Variants in SUZ12 observed in about 807,000 individuals in gnomAD.
SUZ12 encodes the protein SUZ12 polycomb repressive complex 2 subunit.
In SUZ12, 17 loss-of-function variants were observed where a neutral mutation model predicts 87.3. That is an observed-to-expected ratio of 0.19 (90% confidence interval 0.13 to 0.29). The LOEUF (loss-of-function observed/expected upper bound fraction) is 0.29. Ranked by LOEUF, SUZ12 falls within the 10% of genes least tolerant of loss-of-function variation. The pLI, the probability that SUZ12 is intolerant of heterozygous loss-of-function variation, is 1.00. For missense variants in SUZ12, 526 were observed against 912.2 expected, an observed-to-expected ratio of 0.58 and a Z score of 5.45; for synonymous variants, 253 against 312.4, an observed-to-expected ratio of 0.81 and a Z score of 2.01.
intron 5 of SUZ12, among the ~76,000 whole-genome samples, chr17:31,970,309 C>T (rs934704195): frequency 1.3e-5 from 2 of 152,140 alleles, no homozygotes; most frequent in African/African-American, 4.8e-5. Flanking sequence ...CACACACCCC[C>T]AATAAGAATG....
intron 4 of SUZ12, among the ~76,000 whole-genome samples, chr17:31,955,398 C>T (rs1907249846): frequency 6.6e-6 from 1 of 152,156 alleles, no homozygotes; most frequent in South Asian, 2.1e-4. Flanking sequence ...CCTCCTGCCT[C>T]AGCCTACCGA....
At chr17:31,961,972 T>G (rs1168846054) in intron 4 of SUZ12, among the ~76,000 whole-genome samples, 1 of 152,232 alleles carries the variant, frequency 6.6e-6, no homozygotes, top group African/African-American at 2.4e-5. Flanking sequence ...TGTAAGACAC[T>G]GCTAGGTGCT....
chr17:31,947,951 C>T (rs1376746546), intron 4 of SUZ12, among the ~76,000 whole-genome samples: 2 of 152,130 alleles, frequency 1.3e-5, no homozygotes, highest in South Asian at 2.1e-4. Flanking sequence ...TTGAGTGAAA[C>T]CTCTGACTTC....
intron 6 of SUZ12, 101 bp from the exon 7 acceptor site, chr17:31,975,381 G>A (rs1270893980): frequency 2.6e-6 from 2 of 757,528 alleles, no homozygotes; most frequent in Non-Finnish European, 4.0e-6. Context: ...GGTGATCATG[G>A]CCTATCTCCC....
intron 4 of SUZ12, among the ~76,000 whole-genome samples, chr17:31,963,058 C>T (rs112756355): frequency 0.17 from 25,753 of 148,686 alleles, no homozygotes; most frequent in African/African-American, 0.32. Flanking sequence ...TAAAATAGCA[C>T]GTAGAAATCT....
intron 10 of SUZ12, among the ~76,000 whole-genome samples, chr17:31,989,800 G>A (rs1333321472): frequency 2.1e-5 from 3 of 144,932 alleles, no homozygotes; most frequent in East Asian, 4.0e-4. Context: ...TAGTAGAGAC[G>A]GGGTTTCACC....
At chr17:31,989,814 T>C (rs577033087) in intron 10 of SUZ12, among the ~76,000 whole-genome samples, 2 of 150,308 alleles carry the variant, frequency 1.3e-5, no homozygotes, top group East Asian at 3.9e-4. Context: ...TTTCACCTTG[T>C]TAGCCAGGAT....
intron 4 of SUZ12, among the ~76,000 whole-genome samples, chr17:31,957,572 T>G (rs1448221456): frequency 6.7e-6 from 1 of 150,276 alleles, no homozygotes; most frequent in Non-Finnish European, 1.5e-5. Context: ...CCACCACGCC[T>G]AGCTAATTTT....
chr17:32,000,632 TAAAA>T lies in SUZ12; in HGVS notation c.*1643_*1646del, dbSNP rs769296762. On this transcript the variant is annotated 3_prime_UTR_variant, in exon 16 of 16. Coordinates refer to ENST00000322652, the MANE Select transcript of SUZ12 (RefSeq NM_015355.4). ...AATTTGCTAAAGCTGTGCACATATG[TAAAA>T]AAAAAAAAAAAAAGATTATTTTAGG... The T allele has an allele frequency of 2.7e-4, 55 of 202,434 alleles. No homozygotes were observed. Among genetic ancestry groups the T allele is most frequent in the East Asian group, 7.4e-4 (11 of 14,832 alleles). The allele number at this position is 202,434 out of a possible 1,614,324, so 12.5% of individuals were successfully genotyped here. A position where few individuals can be genotyped will look rare whatever the true frequency, so the allele number is the denominator to read the frequency against.
In SUZ12 at chr17:31,951,582, A is replaced by T. The variant is rs137884913; in HGVS notation, c.455+3897A>T. Reference sequence around the variant, plus strand: ...ACTGCAAGTTCCGCCTCCCGGGTTCACGCCATTCTGCCTCAGCCTTCTGAG... The same window carrying T: ...ACTGCAAGTTCCGCCTCCCGGGTTCTCGCCATTCTGCCTCAGCCTTCTGAG... On this transcript the variant is annotated intron_variant, in intron 4 of 15. Coordinates refer to ENST00000322652, the MANE Select transcript of SUZ12 (RefSeq NM_015355.4). 2.4e-3 allele frequency among the ~76,000 whole-genome samples: 364 copies of T among 149,996 alleles called. 3 individuals carry two copies. Among genetic ancestry groups the T allele is most frequent in the African/African-American group, 8.4e-3 (343 of 40,672 alleles).
chr17:31,950,292 C>G (rs1023573761), intron 4 of SUZ12, among the ~76,000 whole-genome samples: 16 of 152,134 alleles, frequency 1.1e-4, no homozygotes, highest in Admixed American at 2.0e-4. Context: ...TATTTTTCTC[C>G]TAAACCTATC....
intron 4 of SUZ12, among the ~76,000 whole-genome samples, chr17:31,948,105 C>G (rs1225941579): frequency 2.0e-5 from 3 of 151,814 alleles, no homozygotes; most frequent in Non-Finnish European, 4.4e-5. Context: ...TCTTTTTTTT[C>G]CATCTTTTTC....
intron 6 of SUZ12, among the ~76,000 whole-genome samples, chr17:31,974,442 G>C (rs1475157069): frequency 6.6e-6 from 1 of 152,128 alleles, no homozygotes; most frequent in Non-Finnish European, 1.5e-5. Flanking sequence ...CAGGAGAATG[G>C]TATGAACCCG....
In SUZ12 at chr17:31,952,086, G is replaced by A. The variant is rs555215678; in HGVS notation, c.455+4401G>A. Among the ~76,000 whole-genome samples, 50 of 152,034 alleles carry A rather than the reference G, an allele frequency of 3.3e-4. No individual in the cohort carries two copies. The East Asian group carries it at 9.5e-3, about 29-fold the overall frequency. On this transcript the variant is annotated intron_variant, in intron 4 of 15. Transcript: ENST00000322652. ...ACTGCGCCCAGCCTTCTTTTTCTAA[G>A]AGACAGGGTCTTGCTCTGTTGCCCA...
At chr17:31,983,271 ATT>A (rs1909215344) in intron 9 of SUZ12, among the ~76,000 whole-genome samples, 167 bp downstream of exon 9, 1 of 129,104 alleles carries the variant, frequency 7.7e-6, no homozygotes, top group South Asian at 2.4e-4. Flanking sequence ...GGAAGGTATC[ATT>A]CTTTTTTTTT....
At chr17:31,973,414 C>T (rs1459458260) in intron 6 of SUZ12, among the ~76,000 whole-genome samples, 183 bp downstream of exon 6, 1 of 152,098 alleles carries the variant, frequency 6.6e-6, no homozygotes, top group Non-Finnish European at 1.5e-5. Flanking sequence ...TGTAGTTTTT[C>T]TAGTCTTTTA....
At chr17:31,993,396 A>G (rs1184348711) in intron 11 of SUZ12, 63 bp downstream of exon 11, 1 of 1,102,840 alleles carries the variant, frequency 9.1e-7, no homozygotes, top group Non-Finnish European at 1.3e-6. Context: ...TATGTCAAAC[A>G]TGAAAATTTT....
intron 8 of SUZ12, among the ~76,000 whole-genome samples, chr17:31,980,429 CTTTTTTTTTTTTTTTTT>C (rs58491591): frequency 0.012 from 646 of 53,806 alleles, 6 homozygotes; most frequent in Non-Finnish European, 0.013. Context: ...TCACCTTCTC[CTTTTTTTTTTTTTTTTT>C]TTTTTTTTTT....
At chr17:31,981,242 A>G (rs1909084091) in intron 8 of SUZ12, among the ~76,000 whole-genome samples, 2 of 152,240 alleles carry the variant, frequency 1.3e-5, no homozygotes, top group Admixed American at 1.3e-4. Context: ...GAATGTAAAC[A>G]GGTCATACTA....
Sources: gnomAD v4.1 joint callset for allele counts (sites outside exome capture counted in the v4.1 genomes callset) on GRCh38, gnomAD v4.1.1 for gene constraint, MANE v1.5 for transcripts, NCBI Gene and HGNC (gene_info 2026-07-23, HGNC 2026-07-21) for gene names.